CA10: variants seen among roughly 807,000 people sequenced by gnomAD.
CA10 encodes the protein carbonic anhydrase-related protein 10.
CA10 carries 14 observed loss-of-function variants against 44.2 expected under a neutral mutation model. The ratio of observed to expected loss-of-function variants is 0.32; its 90% confidence interval spans 0.21 to 0.50. The LOEUF (loss-of-function observed/expected upper bound fraction) is 0.50. CA10 is among the 20% of genes least tolerant of loss of function. CA10 has a pLI of 0.99. For missense variants in CA10, 350 were observed against 409.7 expected, an observed-to-expected ratio of 0.85 and a Z score of 1.26; for synonymous variants, 159 against 141.6, an observed-to-expected ratio of 1.12 and a Z score of -0.87.
At chr17:51,759,800 CT>C (rs545024737) in intron 3 of CA10, among the ~76,000 whole-genome samples, 211 of 151,206 alleles carry the variant, frequency 1.4e-3, no homozygotes, top group East Asian at 9.9e-3. Flanking sequence ...TATAGAGTGA[CT>C]TTTTTTTTAT....
At chr17:51,974,805 T>C (rs1475775961) in intron 2 of CA10, among the ~76,000 whole-genome samples, 2 of 152,098 alleles carry the variant, frequency 1.3e-5, no homozygotes, top group Non-Finnish European at 1.5e-5. Context: ...GGGGACATGA[T>C]AGGGCTGAAA....
At chr17:51,974,188 A>G (rs539690758) in intron 2 of CA10, among the ~76,000 whole-genome samples, 1 of 152,198 alleles carries the variant, frequency 6.6e-6, no homozygotes, top group East Asian at 1.9e-4. Context: ...GATCGAGACC[A>G]TCCTGGCCAA....
chr17:52,012,912 C>T (rs1985846482), intron 2 of CA10, among the ~76,000 whole-genome samples: 1 of 151,880 alleles, frequency 6.6e-6, no homozygotes, highest in African/African-American at 2.4e-5. Flanking sequence ...GCTTCCTCTG[C>T]TGTAGATAGG....
At chr17:51,726,731 A>G (rs1176076028) in intron 4 of CA10, among the ~76,000 whole-genome samples, 1 of 152,196 alleles carries the variant, frequency 6.6e-6, no homozygotes, top group African/African-American at 2.4e-5. Flanking sequence ...CATATTCTAT[A>G]TATATTCTGT....
chr17:52,147,562 A>C (rs548320687), intron 1 of CA10, among the ~76,000 whole-genome samples: 1 of 152,228 alleles, frequency 6.6e-6, no homozygotes, highest in Admixed American at 6.5e-5. Context: ...AACCAATAAA[A>C]CTCAGTGCTA....
rs973828797 is a variant in CA10, at chr17:51,951,001, A to T, written c.137-19869T>A. Reference sequence around the variant, plus strand: ...CCTAGGTCCCAATGGATTGTCTTGCACATTCCATTTTGGAAATCACCAACT... The same window carrying T: ...CCTAGGTCCCAATGGATTGTCTTGCTCATTCCATTTTGGAAATCACCAACT... On this transcript the variant is annotated intron_variant, in intron 2 of 8. Transcript: ENST00000451037. Among the ~76,000 whole-genome samples, 38 of 152,178 alleles carry T rather than the reference A, an allele frequency of 2.5e-4. 1 individual carries two copies. The highest frequency in any genetic ancestry group is 1.5e-5 in the Non-Finnish European group (1 of 68,028).
intron 2 of CA10, among the ~76,000 whole-genome samples, chr17:52,009,745 A>T (rs888677565): frequency 2.0e-5 from 3 of 152,018 alleles, no homozygotes; most frequent in African/African-American, 4.8e-5. Flanking sequence ...AACAAAGATA[A>T]ACAGATGGGA....
At chr17:51,796,336 G>A (rs1906708479) in intron 3 of CA10, among the ~76,000 whole-genome samples, 1 of 152,064 alleles carries the variant, frequency 6.6e-6, no homozygotes, top group Non-Finnish European at 1.5e-5. Context: ...TAGACCCAGT[G>A]CCATTTCTAC....
At chr17:52,137,599 A>G (rs2143371610) in intron 1 of CA10, among the ~76,000 whole-genome samples, 1 of 152,230 alleles carries the variant, frequency 6.6e-6, no homozygotes, top group East Asian at 1.9e-4. Flanking sequence ...TTACTCTCTT[A>G]TTCTCCTTTG....
At chr17:52,082,789 C>T (rs1018646359) in intron 1 of CA10, among the ~76,000 whole-genome samples, 2 of 152,174 alleles carry the variant, frequency 1.3e-5, no homozygotes, top group Non-Finnish European at 2.9e-5. Context: ...AAATAGGCAA[C>T]TTAAGAAGCA....
intron 2 of CA10, among the ~76,000 whole-genome samples, chr17:52,041,026 T>C (rs1434263987): frequency 2.0e-5 from 3 of 151,928 alleles, no homozygotes; most frequent in African/African-American, 7.2e-5. Flanking sequence ...GTAGAACCCA[T>C]GAAAGGGCAT....
At chr17:52,131,998 T>C (rs1217621392) in intron 1 of CA10, among the ~76,000 whole-genome samples, 1 of 150,446 alleles carries the variant, frequency 6.6e-6, no homozygotes, top group Admixed American at 6.6e-5. Context: ...CATCACATTC[T>C]GGGGACTGTT....
At chr17:51,995,992 A>T (rs1426389115) in intron 2 of CA10, among the ~76,000 whole-genome samples, 1 of 152,094 alleles carries the variant, frequency 6.6e-6, no homozygotes, top group Non-Finnish European at 1.5e-5. Context: ...CCTGCCATCC[A>T]TGCATTCACT....
chr17:51,720,819 G>C (rs1008260562), intron 4 of CA10, among the ~76,000 whole-genome samples: 1 of 152,010 alleles, frequency 6.6e-6, no homozygotes, highest in Admixed American at 6.6e-5. Context: ...AGGTTTTAGT[G>C]ATCTATTATG....
chr17:51,734,879 C>CT (rs1916847101), intron 4 of CA10, among the ~76,000 whole-genome samples: 8 of 152,152 alleles, frequency 5.3e-5, no homozygotes, highest in African/African-American at 1.9e-4. Flanking sequence ...GATCAACACA[C>CT]CAGCAGGCTC....
intron 3 of CA10, among the ~76,000 whole-genome samples, chr17:51,759,208 G>A (rs538592222): frequency 1.3e-4 from 19 of 151,952 alleles, no homozygotes; most frequent in African/African-American, 4.6e-4. Flanking sequence ...ACTGGATAAA[G>A]TTATTGGAAC....
chr17:51,710,811 G>A (rs549062386), intron 4 of CA10, among the ~76,000 whole-genome samples: 1 of 151,794 alleles, frequency 6.6e-6, no homozygotes, highest in South Asian at 2.1e-4. Context: ...CTGGCTCCGC[G>A]ATTTCAAAAA....
At chr17:51,765,384 G>A (rs1375578877) in intron 3 of CA10, among the ~76,000 whole-genome samples, 1 of 152,120 alleles carries the variant, frequency 6.6e-6, no homozygotes, top group East Asian at 1.9e-4. Context: ...TCAAAATGAT[G>A]CAATTCAATA....
intron 2 of CA10, among the ~76,000 whole-genome samples, chr17:51,959,422 C>A (rs902236783): frequency 1.3e-5 from 2 of 151,466 alleles, no homozygotes; most frequent in African/African-American, 4.9e-5. Flanking sequence ...CATAGGGAAC[C>A]TAAAGCCCTG....
Sources: gnomAD v4.1 joint callset for allele counts (sites outside exome capture counted in the v4.1 genomes callset) on GRCh38, gnomAD v4.1.1 for gene constraint, MANE v1.5 for transcripts, NCBI Gene and HGNC (gene_info 2026-07-23, HGNC 2026-07-21) for gene names.